The following PRELID2 variants were observed in gnomAD, a reference collection of about 807,000 sequenced individuals.
PRELID2 encodes the protein PRELI domain-containing protein 2.
Under a neutral mutation model 28.4 loss-of-function variants are expected in PRELID2, and 25 were observed. The ratio of observed to expected loss-of-function variants is 0.88; its 90% CI spans 0.64 to 1.23. PRELID2 has a LOEUF of 1.23. Among genes scored for constraint, PRELID2 ranks in the 50% most tolerant of loss-of-function variants. The pLI, the probability that PRELID2 is intolerant of heterozygous loss-of-function variation, is 0.00. For missense variants in PRELID2, 201 were observed against 214.4 expected, an observed-to-expected ratio of 0.94 and a Z score of 0.39; for synonymous variants, 76 against 71.6, an observed-to-expected ratio of 1.06 and a Z score of -0.31.
At chr5:145,777,204 T>A (rs1758464207) in intron 5 of PRELID2, among the ~76,000 whole-genome samples, 1 of 152,134 alleles carries the variant, frequency 6.6e-6, no homozygotes, top group African/African-American at 2.4e-5. Flanking sequence ...AGGGGGAATT[T>A]CCTTTTTTGT....
the PRELID2 span, among the ~76,000 whole-genome samples, chr5:145,233,803 C>T: frequency 6.6e-6 from 1 of 152,160 alleles, no homozygotes; most frequent in African/African-American, 2.4e-5. Context: ...GCCACAATGT[C>T]AGTTTCTTAC....
intron 4 of PRELID2, among the ~76,000 whole-genome samples, chr5:145,798,063 T>C (rs371828336): frequency 6.6e-6 from 1 of 151,736 alleles, no homozygotes; most frequent in African/African-American, 2.4e-5. Context: ...AGTTGAAGAA[T>C]ACAATAATGG....
the PRELID2 span, among the ~76,000 whole-genome samples, chr5:145,277,483 C>T: frequency 3.9e-5 from 6 of 152,106 alleles, no homozygotes; most frequent in African/African-American, 1.2e-4. Flanking sequence ...TCAGTGTTCC[C>T]GATGATTCCA....
intron 1 of PRELID2, among the ~76,000 whole-genome samples, chr5:145,830,980 T>C (rs1000821863): frequency 2.6e-5 from 4 of 152,194 alleles, no homozygotes; most frequent in East Asian, 1.9e-4. Context: ...AAACATACCA[T>C]TGTGCAAAAT....
chr5:145,546,173 C>A (rs535086216), intron 1 of PRELID2, among the ~76,000 whole-genome samples: 1 of 152,122 alleles, frequency 6.6e-6, no homozygotes, highest in African/African-American at 2.4e-5. Flanking sequence ...TTTTTGAAGG[C>A]ACTCTATAAT....
chr5:145,456,989 A>G, the PRELID2 span, among the ~76,000 whole-genome samples: 3 of 152,320 alleles, frequency 2.0e-5, no homozygotes, highest in East Asian at 5.8e-4. Context: ...AATGTCTAAT[A>G]AAGTAGATAA....
At chr5:145,358,006 C>G in the PRELID2 span, among the ~76,000 whole-genome samples, 4 of 151,558 alleles carry the variant, frequency 2.6e-5, no homozygotes, top group Admixed American at 6.6e-5. Context: ...TTCTAGTCTG[C>G]TCTTGGGTCT....
At chr5:145,816,358 A>G (rs1754308714) in intron 4 of PRELID2, among the ~76,000 whole-genome samples, 1 of 152,080 alleles carries the variant, frequency 6.6e-6, no homozygotes, top group South Asian at 2.1e-4. Context: ...CTAGGATTAC[A>G]GGCATGAGTC....
At chr5:145,633,043 C>T (rs1291450765) in intron 1 of PRELID2, among the ~76,000 whole-genome samples, 3 of 152,150 alleles carry the variant, frequency 2.0e-5, no homozygotes, top group African/African-American at 7.2e-5. Context: ...AAAGCAGAGA[C>T]CTCAGTCCTA....
At chr5:145,422,695 C>A in the PRELID2 span, among the ~76,000 whole-genome samples, 1 of 151,882 alleles carries the variant, frequency 6.6e-6, no homozygotes, top group Admixed American at 6.6e-5. Flanking sequence ...ATCCAATTTG[C>A]CAGTGTGTGT....
At chr5:145,355,107 T>C in the PRELID2 span, among the ~76,000 whole-genome samples, 2 of 152,180 alleles carry the variant, frequency 1.3e-5, no homozygotes, top group Admixed American at 6.5e-5. Context: ...ATAAACTACT[T>C]AGTTGCAGTA....
intron 5 of PRELID2, chr5:145,795,652 A>G (rs1752690405): frequency 6.6e-6 from 1 of 152,206 alleles, no homozygotes; most frequent in African/African-American, 2.4e-5. Flanking sequence ...ATCTGGAAAT[A>G]AATGAGTATA....
At chr5:145,606,216 G>C (rs779813847) in intron 1 of PRELID2, among the ~76,000 whole-genome samples, 19 of 152,134 alleles carry the variant, frequency 1.2e-4, no homozygotes, top group Non-Finnish European at 2.5e-4. Flanking sequence ...TCTACAAACA[G>C]AGATAGTTTG....
intron 1 of PRELID2, among the ~76,000 whole-genome samples, chr5:145,567,366 G>GTTTGT (rs1752976190): frequency 6.6e-6 from 1 of 151,848 alleles, no homozygotes. Context: ...GTTTGGTTTG[G>GTTTGT]TTTGGTTTGG....
chr5:145,292,586 A>G, the PRELID2 span, among the ~76,000 whole-genome samples: 7 of 152,334 alleles, frequency 4.6e-5, no homozygotes, highest in South Asian at 1.4e-3. Context: ...AATAAACTAA[A>G]TTCAGTGAAT....
At chr5:145,827,254 G>A (rs774444955) in intron 1 of PRELID2, among the ~76,000 whole-genome samples, 40 of 152,128 alleles carry the variant, frequency 2.6e-4, no homozygotes, top group Admixed American at 2.0e-3. Context: ...CATGAGCTAT[G>A]CCAAATTCCT....
chr5:145,341,678 CAG>C, the PRELID2 span, among the ~76,000 whole-genome samples: 5 of 140,750 alleles, frequency 3.6e-5, no homozygotes, highest in African/African-American at 1.3e-4. Context: ...AACTTGAAGA[CAG>C]ATTTAAAAAA....
At chr5:145,740,868 CGATAAATATATATGTACATAT>C (rs2149737387) in intron 1 of PRELID2, among the ~76,000 whole-genome samples, 2 of 48,226 alleles carry the variant, frequency 4.1e-5, no homozygotes, top group East Asian at 1.7e-3. Context: ...ATATATTTAT[CGATAAATATATATGTACATAT>C]ATTTATCGAT....
chr5:145,333,819 C>CAAAAAAA, the PRELID2 span, among the ~76,000 whole-genome samples: 1 of 91,104 alleles, frequency 1.1e-5, no homozygotes, highest in African/African-American at 3.9e-5. Context: ...CTGGAGTATA[C>CAAAAAAA]AAAAAAAAAA....
Sources: gnomAD v4.1 joint callset for allele counts (sites outside exome capture counted in the v4.1 genomes callset) on GRCh38, gnomAD v4.1.1 for gene constraint, MANE v1.5 for transcripts, NCBI Gene and HGNC (gene_info 2026-07-23, HGNC 2026-07-21) for gene names.